SHFL: variants seen among roughly 807,000 people sequenced by gnomAD.
SHFL encodes shiftless antiviral inhibitor of ribosomal frameshifting, also known as shiftless antiviral inhibitor of ribosomal frameshifting protein.
A neutral mutation model predicts 34.7 loss-of-function variants in SHFL; 12 were observed. That is an observed-to-expected ratio of 0.35 (90% confidence interval 0.22 to 0.56). SHFL has a LOEUF of 0.56. Ranked by LOEUF, SHFL falls within the 20% of genes least tolerant of loss-of-function variation. The pLI, the probability that SHFL is intolerant of heterozygous loss-of-function variation, is 0.88. For missense variants in SHFL, 278 were observed against 411.1 expected (o/e 0.68, Z 2.80); for synonymous variants, 148 against 156.0 (o/e 0.95, Z 0.38).
Position 10,086,518 on chromosome 19 carries a change from G to T in SHFL, c.21+70G>T. On this transcript the variant is annotated intron_variant, in intron 1 of 7. Coordinates refer to ENST00000253110, the MANE Select transcript of SHFL (RefSeq NM_018381.4). The surrounding 1 kb of genome is among the most constrained non-coding windows in gnomAD (Gnocchi z 5.2). ...CCGAGGAGCGGCCGGGAGGCGCGGA[G>T]GGGGCTTCGCAGTTCCTGGGGACCC... 1 of 1,302,914 alleles carries T rather than the reference G, an allele frequency of 7.7e-7. No homozygotes were observed. Among genetic ancestry groups the T allele is most frequent in the East Asian group, 2.9e-5 (1 of 34,124 alleles). The allele number at this position is 1,302,914 out of a possible 1,614,324, so 80.7% of individuals were successfully genotyped here.
In SHFL at chr19:10,091,784, A is replaced by T; in HGVS notation, c.643+154A>T. On this transcript the variant is annotated intron_variant, in intron 7 of 7. Coordinates refer to ENST00000253110, the MANE Select transcript of SHFL (RefSeq NM_018381.4). This position sits in a 1 kb window ranked among gnomAD's most constrained non-coding sequence, Gnocchi z 8.2. ...CCCCCCAGTCTCCGTGGTCTTGCCC[A>T]GGAGGCTCTGAGGTTTCACCCCAGT... The T allele has an allele frequency of 8.6e-7, 1 of 1,158,258 alleles. No individual in the cohort carries two copies. The allele number at this position is 1,158,258 out of a possible 1,614,324, so 71.7% of individuals were successfully genotyped here. A position where few individuals can be genotyped will look rare whatever the true frequency, so the allele number is the denominator to read the frequency against.
At chr19:10,089,203 A>T (rs1018880419) in intron 3 of SHFL, 1 of 1,097,776 alleles carries the variant, frequency 9.1e-7, no homozygotes. Flanking sequence ...GGGCTCTAAC[A>T]TGCCTGTCAG....
intron 3 of SHFL, 190 bp downstream of exon 3, chr19:10,087,490 G>A (rs2088307302): frequency 1.6e-6 from 1 of 627,148 alleles, no homozygotes; most frequent in African/African-American, 1.8e-5. Context: ...CCTGCAAACA[G>A]TAGGCGCTCA....
chr19:10,091,848 G>T lies in SHFL; in HGVS notation c.643+218G>T. On this transcript the variant is annotated intron_variant, in intron 7 of 7. Coordinates refer to ENST00000253110, the MANE Select transcript of SHFL (RefSeq NM_018381.4). This position sits in a 1 kb window ranked among gnomAD's most constrained non-coding sequence, Gnocchi z 8.2. ...GGGTCCCCATGGCCTCTGCCCCCAT[G>T]GTCTCTGGGTTTGGGGCCCCTGTTT... The T allele has an allele frequency of 1.1e-6, 1 of 885,494 alleles. No homozygotes were observed. The highest frequency in any genetic ancestry group is 3.0e-5 in the Admixed American group (1 of 32,882). 54.9% of individuals were successfully genotyped at this position (885,494 alleles called of 1,614,324 possible).
rs1384767391 is a variant in SHFL at position 10,091,186 on chromosome 19, C to T, written c.385-64C>T. 1 of 1,466,040 alleles carries T rather than the reference C, an allele frequency of 6.8e-7. No individual in the cohort carries two copies. Among genetic ancestry groups the T allele is most frequent in the Non-Finnish European group, 9.4e-7 (1 of 1,060,376 alleles). The allele number at this position is 1,466,040 out of a possible 1,614,324, so 90.8% of individuals were successfully genotyped here. A position where few individuals can be genotyped will look rare whatever the true frequency, so the allele number is the denominator to read the frequency against. On this transcript the variant is annotated intron_variant, in intron 5 of 7. Transcript: ENST00000253110. This position sits in a 1 kb window ranked among gnomAD's most constrained non-coding sequence, Gnocchi z 8.2. ...TGCAGCACACTGCTAGCCCTGACCC[C>T]AACCTCAGACACCTCTGACAATCCT...
intron 3 of SHFL, chr19:10,089,147 CA>C (rs1360827945): frequency 6.0e-6 from 4 of 667,090 alleles, no homozygotes; most frequent in Non-Finnish European, 1.0e-5. Context: ...TGCCAGCAAG[CA>C]GGGGCAGCTG....
Position 10,089,751 on chromosome 19 carries a change from C to T in SHFL, c.234+56C>T, listed in dbSNP as rs2088348845. On this transcript the variant is annotated intron_variant, in intron 4 of 7. Transcript: ENST00000253110. ...GAGTTGGGAGGGGGACATCTGCAGG[C>T]ACAGAAGGATGTCCATTAGGGCAGG... The T allele has an allele frequency of 6.4e-6, 10 of 1,565,018 alleles. No homozygotes were observed. In the East Asian group the frequency reaches 1.2e-4, roughly 18 times the overall value.
chr19:10,086,475 G>A lies in SHFL; in HGVS notation c.21+27G>A, dbSNP rs898465220. The A allele has an allele frequency of 9.5e-6, 13 of 1,364,228 alleles. No homozygotes were observed. The highest frequency in any genetic ancestry group is 4.5e-5 in the African/African-American group (3 of 66,804). 84.5% of individuals were successfully genotyped at this position (1,364,228 alleles called of 1,614,324 possible). A position where few individuals can be genotyped will look rare whatever the true frequency, so the allele number is the denominator to read the frequency against. ...TAAGCGATGGCTACGGCTGGGCCGG[G>A]GTCAGCCGCGACAGACCCCGAGGAG... On this transcript the variant is annotated intron_variant, in intron 1 of 7. Transcript: ENST00000253110. The surrounding 1 kb of genome is among the most constrained non-coding windows in gnomAD (Gnocchi z 5.2).
At position 10,093,002 on chromosome 19, in the gene SHFL, G is replaced by A; in HGVS notation, c.*700G>A. On this transcript the variant is annotated 3_prime_UTR_variant, in exon 8 of 8. Coordinates refer to ENST00000253110, the MANE Select transcript of SHFL (RefSeq NM_018381.4). ...TCCCTATCTCCTTACCAAAGTACAA[G>A]TCACATCTTTCCCACCTTTTCTGCA... is the stretch of plus-strand genomic sequence containing the variant. 2.0e-6 allele frequency: 1 copy of A among 496,000 alleles called. No individual in the cohort carries two copies. 30.7% of individuals were successfully genotyped at this position (496,000 alleles called of 1,614,324 possible).
rs2088408890 is a variant in SHFL, at chr19:10,092,342, G to A, written c.*40G>A. 1 of 1,549,344 alleles carries A rather than the reference G, an allele frequency of 6.5e-7. No individual in the cohort carries two copies. Among genetic ancestry groups the A allele is most frequent in the African/African-American group, 1.4e-5 (1 of 72,680 alleles). ...AGATACAAACCAGACACGGTCTGTG[G>A]CTACTTTGTGTTATTATAAGATATG... On this transcript the variant is annotated 3_prime_UTR_variant, in exon 8 of 8. Coordinates refer to ENST00000253110, the MANE Select transcript of SHFL (RefSeq NM_018381.4).
At chr19:10,087,611 G>C (rs2088308730) in intron 3 of SHFL, 1 of 405,876 alleles carries the variant, frequency 2.5e-6, no homozygotes, top group African/African-American at 2.1e-5. Flanking sequence ...AGGCTTACTG[G>C]AGGAGGAGGT....
Position 10,092,689 on chromosome 19 carries a change from T to C in SHFL, c.*387T>C. 1.2e-6 allele frequency: 2 copies of C among 1,614,002 alleles called. No homozygotes were observed. The highest frequency in any genetic ancestry group is 1.7e-6 in the Non-Finnish European group (2 of 1,179,914). On this transcript the variant is annotated 3_prime_UTR_variant, in exon 8 of 8. Transcript: ENST00000253110. Reference sequence around the variant, plus strand: ...GACACCATCCTGGTAGCGGCTTCGGTAGTGGCCGCCGTGGTGCCACACACC... The same window carrying C: ...GACACCATCCTGGTAGCGGCTTCGGCAGTGGCCGCCGTGGTGCCACACACC...
In SHFL at chr19:10,092,580, AAC is replaced by A; in HGVS notation, c.*282_*283del. 1 of 1,597,370 alleles carries A rather than the reference AAC, an allele frequency of 6.3e-7. No individual in the cohort carries two copies. Among genetic ancestry groups the A allele is most frequent in the Non-Finnish European group, 8.6e-7 (1 of 1,168,564 alleles). On this transcript the variant is annotated 3_prime_UTR_variant, in exon 8 of 8. Transcript: ENST00000253110. ...TCCTCTAGGGCCTAGGGGACAGAGG[AAC>A]ACAGAGTCACAGCTTCAGGGGCCGA... is the stretch of plus-strand genomic sequence containing the variant.
At chr19:10,090,092 C>T (rs756118554) in intron 5 of SHFL, 45 bp downstream of exon 5, 4 of 1,567,050 alleles carry the variant, frequency 2.6e-6, no homozygotes, top group Non-Finnish European at 3.5e-6. Flanking sequence ...TCCCGAACTC[C>T]ACTCCTGACT....
chr19:10,091,877 C>T lies in SHFL; in HGVS notation c.644-193C>T. ...TCTGGGTTTGGGGCCCCTGTTTTGT[C>T]CCCTGTAATCTCAGGTGACCCCCAT... On this transcript the variant is annotated intron_variant, in intron 7 of 7. Transcript: ENST00000253110. The surrounding 1 kb of genome is among the most constrained non-coding windows in gnomAD (Gnocchi z 8.2). 1 of 861,492 alleles carries T rather than the reference C, an allele frequency of 1.2e-6. No individual in the cohort carries two copies. Among genetic ancestry groups the T allele is most frequent in the Non-Finnish European group, 1.7e-6 (1 of 575,332 alleles). 53.4% of individuals were successfully genotyped at this position (861,492 alleles called of 1,614,324 possible).
At chr19:10,089,125 G>A (rs1195646094) in intron 3 of SHFL, 1 of 643,128 alleles carries the variant, frequency 1.6e-6, no homozygotes, top group East Asian at 2.8e-5. Flanking sequence ...AGAAACTGAG[G>A]CCGAAGTCAC....
At chr19:10,089,784 A>G in intron 4 of SHFL, 89 bp downstream of exon 4, 1 of 1,554,996 alleles carries the variant, frequency 6.4e-7, no homozygotes, top group Non-Finnish European at 8.7e-7. Context: ...AGGAGGGGAG[A>G]TATTCACTGG....
rs945692664 is a variant in SHFL at position 10,091,958 on chromosome 19, C to T, written c.644-112C>T. On this transcript the variant is annotated intron_variant, in intron 7 of 7. Transcript: ENST00000253110. The surrounding 1 kb of genome is among the most constrained non-coding windows in gnomAD (Gnocchi z 8.2). ...CTGAATGTCCAGTTGTGCTGGTCCC[C>T]GTATCTGGTGGTCTCAGCTCCTCCC... 3.0e-5 allele frequency: 39 copies of T among 1,310,246 alleles called. No homozygotes were observed. Among genetic ancestry groups the T allele is most frequent in the South Asian group, 6.7e-5 (5 of 75,002 alleles). 81.2% of individuals were successfully genotyped at this position (1,310,246 alleles called of 1,614,324 possible).
chr19:10,087,196 G>A, intron 2 of SHFL, 55 bp from the exon 3 acceptor site: 1 of 1,610,004 alleles, frequency 6.2e-7, no homozygotes, highest in Admixed American at 1.7e-5. Flanking sequence ...TGGGTGGCCT[G>A]GAACTCCCAC....
Sources: allele counts gnomAD v4.1 joint callset, GRCh38; gene constraint gnomAD v4.1.1; non-coding constraint Gnocchi (gnomAD v3.1); transcripts MANE v1.5; gene names NCBI Gene and HGNC (gene_info 2026-07-23, HGNC 2026-07-21).